FAM107B: variants seen among roughly 807,000 people sequenced by gnomAD.
The protein encoded by FAM107B is protein FAM107B.
FAM107B carries 21 observed loss-of-function variants against 31.5 expected under a neutral mutation model. That is an observed-to-expected ratio of 0.67 (90% confidence interval 0.47 to 0.96). The LOEUF (loss-of-function observed/expected upper bound fraction) is 0.96. FAM107B is among the 40% of genes least tolerant of loss of function. The probability of loss-of-function intolerance (pLI) is 0.00; values close to 1 mark genes in which losing one functional copy is unlikely to be tolerated. For synonymous variants in FAM107B, 157 were observed against 141.5 expected (o/e 1.11, Z -0.78); for missense variants, 452 against 377.1 (o/e 1.20, Z -1.64).
chr10:14,717,721 A>G (rs1319138446), intron 1 of FAM107B, among the ~76,000 whole-genome samples: 1 of 148,852 alleles, frequency 6.7e-6, no homozygotes, highest in African/African-American at 2.5e-5. Flanking sequence ...CAGTCGACAG[A>G]CTCAAATGTC....
intron 2 of FAM107B, among the ~76,000 whole-genome samples, chr10:14,573,236 CA>C (rs1851346643): frequency 6.6e-6 from 1 of 152,242 alleles, no homozygotes; most frequent in East Asian, 1.9e-4. Context: ...ATCCTCAATG[CA>C]ACAGTGATGA....
chr10:14,762,747 C>T (rs930498411), intron 1 of FAM107B, among the ~76,000 whole-genome samples: 8 of 131,732 alleles, frequency 6.1e-5, no homozygotes, highest in Non-Finnish European at 1.6e-5. Context: ...CAGAGTGAAA[C>T]TCTGTCTCAC....
At chr10:14,670,595 C>A (rs1179638080) in intron 1 of FAM107B, among the ~76,000 whole-genome samples, 1 of 152,166 alleles carries the variant, frequency 6.6e-6, no homozygotes, top group Non-Finnish European at 1.5e-5. Flanking sequence ...AAGACTCTCC[C>A]CTTTGAGCCA....
chr10:14,702,128 A>G (rs1023104480), intron 1 of FAM107B, among the ~76,000 whole-genome samples: 2 of 152,230 alleles, frequency 1.3e-5, no homozygotes, highest in Admixed American at 6.5e-5. Context: ...AAACGAGTGC[A>G]TTTCATGCAA....
At chr10:14,531,085 C>T (rs1280650639) in intron 2 of FAM107B, among the ~76,000 whole-genome samples, 2 of 152,218 alleles carry the variant, frequency 1.3e-5, no homozygotes, top group East Asian at 1.9e-4. Context: ...AGATGCCTAA[C>T]CTTTCTCCTA....
intron 1 of FAM107B, among the ~76,000 whole-genome samples, chr10:14,676,103 G>A (rs1211841870): frequency 2.0e-5 from 3 of 152,166 alleles, no homozygotes; most frequent in Non-Finnish European, 4.4e-5. Flanking sequence ...AGGCTTCAGT[G>A]AGCCAAGATC....
intron 1 of FAM107B, among the ~76,000 whole-genome samples, chr10:14,702,467 C>A (rs2768741): frequency 2.6e-5 from 4 of 152,094 alleles, no homozygotes; most frequent in African/African-American, 9.7e-5. Flanking sequence ...CCGCCTCAGC[C>A]CCCTGAGTAG....
At chr10:14,596,422 A>C (rs1021502443) in intron 2 of FAM107B, among the ~76,000 whole-genome samples, 1 of 152,206 alleles carries the variant, frequency 6.6e-6, no homozygotes, top group African/African-American at 2.4e-5. Context: ...ACTGATCCCC[A>C]GAGCCTGGAA....
intron 2 of FAM107B, among the ~76,000 whole-genome samples, chr10:14,614,053 C>T (rs144218012): frequency 0.011 from 1,703 of 152,112 alleles, 28 homozygotes; most frequent in African/African-American, 0.04. Context: ...ATCGCTTGAA[C>T]GTGGGAGGCA....
intron 2 of FAM107B, among the ~76,000 whole-genome samples, chr10:14,560,426 G>A (rs796763114): frequency 1.3e-4 from 20 of 152,318 alleles, no homozygotes; most frequent in African/African-American, 4.3e-4. Flanking sequence ...CCGTCAGAGC[G>A]GGAAAGCCCT....
Position 14,567,603 on chromosome 10 carries a change from G to A in FAM107B, c.470-37088C>T, listed in dbSNP as rs116052940. ...GTCCAGGGACAGGCATGGGTGGGCC[G>A]CCCAATCCCCCAGGAGAGTGAAGTA... On this transcript the variant is annotated intron_variant, in intron 2 of 4. Transcript: ENST00000181796. Among the ~76,000 whole-genome samples, 1,142 of 152,244 alleles carry A rather than the reference G, an allele frequency of 7.5e-3. 15 individuals carry two copies. Among genetic ancestry groups the A allele is most frequent in the African/African-American group, 0.025 (1,034 of 41,514 alleles).
At chr10:14,765,459 C>T (rs181962966) in intron 1 of FAM107B, among the ~76,000 whole-genome samples, 1 of 152,104 alleles carries the variant, frequency 6.6e-6, no homozygotes, top group Non-Finnish European at 1.5e-5. Flanking sequence ...ACTAAATATC[C>T]AGATTGGAAA....
At chr10:14,576,942 C>A (rs959537768) in intron 2 of FAM107B, among the ~76,000 whole-genome samples, 4 of 152,160 alleles carry the variant, frequency 2.6e-5, no homozygotes, top group Admixed American at 6.5e-5. Flanking sequence ...GACGAAAAAA[C>A]AGCAACACTG....
At chr10:14,562,406 A>C (rs901206890) in intron 2 of FAM107B, among the ~76,000 whole-genome samples, 1 of 152,268 alleles carries the variant, frequency 6.6e-6, no homozygotes, top group African/African-American at 2.4e-5. Context: ...TGGAGAAGTC[A>C]GTGATAATGT....
At position 14,724,328 on chromosome 10, in the gene FAM107B, C is replaced by A. The variant is rs184086328; in HGVS notation, c.411+49925G>T. Among the ~76,000 whole-genome samples, 9 of 152,282 alleles carry A rather than the reference C, an allele frequency of 5.9e-5. No individual in the cohort carries two copies. In the East Asian group the frequency reaches 1.7e-3, roughly 29 times the overall value. On this transcript the variant is annotated intron_variant, in intron 1 of 4. Transcript: ENST00000181796. The stretch of plus-strand genomic sequence containing the variant: ...CAGTCTTCTTTTGCTTATGTCTATC[C>A]AGTTGTCCCAACACTATTTGTTGAA...
At chr10:14,635,014 C>A (rs985797992) in intron 2 of FAM107B, among the ~76,000 whole-genome samples, 3 of 151,418 alleles carry the variant, frequency 2.0e-5, no homozygotes, top group Non-Finnish European at 4.4e-5. Context: ...GCTTGAACCC[C>A]GGAGGCGGAG....
intron 2 of FAM107B, among the ~76,000 whole-genome samples, chr10:14,645,493 C>CTCATATATAA (rs1853729996): frequency 6.6e-6 from 1 of 151,906 alleles, no homozygotes; most frequent in African/African-American, 2.4e-5. Context: ...TCTTCCCCCA[C>CTCATATATAA]ATCTCCATTC....
chr10:14,532,731 T>C (rs1847152176), intron 2 of FAM107B: 1 of 152,232 alleles, frequency 6.6e-6, no homozygotes, highest in Non-Finnish European at 1.5e-5. Context: ...TCAACTGCAG[T>C]TTCCTTCTAG....
At chr10:14,725,089 G>T (rs1201614852) in intron 1 of FAM107B, among the ~76,000 whole-genome samples, 1 of 152,216 alleles carries the variant, frequency 6.6e-6, no homozygotes, top group African/African-American at 2.4e-5. Flanking sequence ...CAGCACCTGA[G>T]GACCAGATGC....
Sources: allele counts gnomAD v4.1 joint callset (sites outside exome capture counted in the v4.1 genomes callset), GRCh38; gene constraint gnomAD v4.1.1; transcripts MANE v1.5; gene names NCBI Gene and HGNC (gene_info 2026-07-23, HGNC 2026-07-21).